STPG2: variants seen among roughly 807,000 people sequenced by gnomAD.
STPG2 encodes sperm tail PG-rich repeat containing 2.
A neutral mutation model predicts 54.2 loss-of-function variants in STPG2; 56 were observed. The observed-to-expected ratio is 1.03, with a 90% CI of 0.83 to 1.29. The LOEUF (loss-of-function observed/expected upper bound fraction) is 1.29. Among genes scored for constraint, STPG2 ranks in the 50% most tolerant of loss-of-function variants. The probability of loss-of-function intolerance (pLI) is 0.00; values close to 1 mark genes in which losing one functional copy is unlikely to be tolerated. For missense variants in STPG2, 596 were observed against 544.9 expected, an observed-to-expected ratio of 1.09 and a Z score of -0.93; for synonymous variants, 200 against 181.8, an observed-to-expected ratio of 1.10 and a Z score of -0.81.
At chr4:97,566,815 A>G (rs918688449) in intron 10 of STPG2, among the ~76,000 whole-genome samples, 2 of 147,534 alleles carry the variant, frequency 1.4e-5, no homozygotes, top group Admixed American at 1.4e-4. Flanking sequence ...TCTCACTCAT[A>G]GGTAGGAACT....
intron 10 of STPG2, among the ~76,000 whole-genome samples, chr4:97,706,991 A>G (rs1431455017): frequency 2.6e-5 from 4 of 152,162 alleles, no homozygotes; most frequent in Admixed American, 2.6e-4. Context: ...TACCTGAATG[A>G]TTTGGCAGAG....
chr4:97,591,761 T>C (rs1037007202), intron 10 of STPG2, among the ~76,000 whole-genome samples: 14 of 152,192 alleles, frequency 9.2e-5, no homozygotes, highest in African/African-American at 3.4e-4. Flanking sequence ...AACCTTCTCA[T>C]TAATCCTGTG....
chr4:97,654,367 ACT>A (rs1231554523), intron 10 of STPG2, among the ~76,000 whole-genome samples: 9 of 152,134 alleles, frequency 5.9e-5, no homozygotes, highest in Middle Eastern at 3.4e-3. Context: ...AGAAAAATAC[ACT>A]CTCATACATT....
chr4:97,568,968 A>G (rs1578396080), intron 10 of STPG2, among the ~76,000 whole-genome samples: 1 of 151,824 alleles, frequency 6.6e-6, no homozygotes. Flanking sequence ...CCAGACCCCA[A>G]AAAAGGGTTC....
In STPG2 at chr4:97,981,250, C is replaced by T. The variant is rs1734666473; in HGVS notation, c.681G>A (p.Lys227=). The change falls in exon 6 of 11, where the codon AAG becomes AAA. Residue 227 remains lysine, a synonymous_variant. Coordinates refer to ENST00000295268, the MANE Select transcript of STPG2 (RefSeq NM_174952.3). ...GTYNEPRTAL[K]SLKKTSGLKN... The stretch of plus-strand genomic sequence containing the variant: ...TCAGTCCTGATGTTTTCTTCAAAGA[C>T]TTGAGAGCAGTTCGAGGTTCATTAT... 1.2e-6 allele frequency: 2 copies of T among 1,613,966 alleles called. No homozygotes were observed. Among genetic ancestry groups the T allele is most frequent in the Non-Finnish European group, 1.7e-6 (2 of 1,179,948 alleles).
chr4:97,445,840 TATA>T (rs1401395796), intron 4 of STPG2, among the ~76,000 whole-genome samples: 2 of 152,220 alleles, frequency 1.3e-5, no homozygotes, highest in African/African-American at 2.4e-5. Context: ...TAGGAATTAA[TATA>T]ATCTCAGTAG....
chr4:97,891,249 C>T (rs770292152), intron 8 of STPG2, among the ~76,000 whole-genome samples: 14 of 151,910 alleles, frequency 9.2e-5, no homozygotes, highest in Non-Finnish European at 2.1e-4. Flanking sequence ...AAAAGTTTAT[C>T]TGTATAAGAA....
At chr4:97,524,582 C>G (rs930459640) in intron 4 of STPG2, among the ~76,000 whole-genome samples, 12 of 151,870 alleles carry the variant, frequency 7.9e-5, no homozygotes, top group African/African-American at 2.9e-4. Flanking sequence ...CATCAAGGTT[C>G]TTATCCCAGC....
chr4:97,565,037 T>G (rs1350835791), intron 10 of STPG2, among the ~76,000 whole-genome samples: 1 of 152,172 alleles, frequency 6.6e-6, no homozygotes, highest in African/African-American at 2.4e-5. Flanking sequence ...GTTTTCCAAC[T>G]TAGTTCCATT....
chr4:97,462,111 A>C (rs1372388702), intron 4 of STPG2, among the ~76,000 whole-genome samples: 1 of 151,936 alleles, frequency 6.6e-6, no homozygotes, highest in Non-Finnish European at 1.5e-5. Flanking sequence ...TCTGGAATCA[A>C]TTTTGTATGT....
intron 10 of STPG2, among the ~76,000 whole-genome samples, chr4:97,586,228 A>G (rs1560673358): frequency 1.3e-5 from 2 of 152,010 alleles, no homozygotes; most frequent in Non-Finnish European, 2.9e-5. Flanking sequence ...ATAACAGACA[A>G]TACAATCAGT....
intron 4 of STPG2, among the ~76,000 whole-genome samples, chr4:97,501,525 GA>G (rs371887214): frequency 6.6e-6 from 1 of 151,166 alleles, no homozygotes; most frequent in Non-Finnish European, 1.5e-5. Flanking sequence ...CAACTTTATG[GA>G]AAAAAAATAC....
intron 9 of STPG2, among the ~76,000 whole-genome samples, chr4:97,746,184 T>C (rs1725416464): frequency 6.6e-6 from 1 of 151,240 alleles, no homozygotes; most frequent in African/African-American, 2.4e-5. Flanking sequence ...ACTTTATTGC[T>C]AAGCCTTCTA....
chr4:97,624,170 G>A (rs930837184), intron 10 of STPG2, among the ~76,000 whole-genome samples: 3 of 152,084 alleles, frequency 2.0e-5, no homozygotes, highest in Admixed American at 6.6e-5. Flanking sequence ...AGGATTGCTT[G>A]GCCAAATGGT....
chr4:97,700,683 G>A (rs1723744161), intron 10 of STPG2, among the ~76,000 whole-genome samples: 1 of 152,188 alleles, frequency 6.6e-6, no homozygotes, highest in Admixed American at 6.5e-5. Context: ...TTGCGGAAGT[G>A]GAAAGTGATC....
chr4:97,574,514 G>A (rs1340951692), intron 10 of STPG2, among the ~76,000 whole-genome samples: 1 of 152,002 alleles, frequency 6.6e-6, no homozygotes, highest in South Asian at 2.1e-4. Context: ...ACTCAGCAAG[G>A]CTTGCTTGTT....
intron 10 of STPG2, among the ~76,000 whole-genome samples, chr4:97,700,573 C>A (rs571049512): frequency 2.1e-4 from 32 of 152,334 alleles, no homozygotes; most frequent in Admixed American, 1.9e-3. Context: ...CATTTTCTGG[C>A]ATGCAAGTGT....
intron 4 of STPG2, among the ~76,000 whole-genome samples, chr4:97,453,915 G>A (rs1448621484): frequency 1.3e-5 from 2 of 152,036 alleles, no homozygotes; most frequent in Admixed American, 6.5e-5. Context: ...TAGAAGAGAG[G>A]TGGAGGTATA....
At chr4:97,723,637 C>G (rs1724523872) in intron 9 of STPG2, among the ~76,000 whole-genome samples, 1 of 152,096 alleles carries the variant, frequency 6.6e-6, no homozygotes, top group African/African-American at 2.4e-5. Flanking sequence ...GGTCCATTTT[C>G]ACACTGCTAT....
Sources: allele counts gnomAD v4.1 joint callset (sites outside exome capture counted in the v4.1 genomes callset), GRCh38; gene constraint gnomAD v4.1.1; transcripts MANE v1.5; gene names NCBI Gene and HGNC (gene_info 2026-07-23, HGNC 2026-07-21).